The following FAM124A variants were observed in gnomAD, a reference collection of about 807,000 sequenced individuals.
The protein encoded by FAM124A is protein FAM124A.
A neutral mutation model predicts 24.5 loss-of-function variants in FAM124A; 23 were observed. That is an observed-to-expected ratio of 0.94 (90% CI 0.68 to 1.33). FAM124A has a LOEUF of 1.33. FAM124A is among the 40% of genes most tolerant of loss of function. The pLI, the probability that FAM124A is intolerant of heterozygous loss-of-function variation, is 0.00. For synonymous variants in FAM124A, 287 were observed against 314.7 expected (o/e 0.91, Z 0.93); for missense variants, 623 against 722.8 (o/e 0.86, Z 1.58).
intron 3 of FAM124A, among the ~76,000 whole-genome samples, chr13:51,275,612 A>T (rs112234828): frequency 0.089 from 13,565 of 152,268 alleles, 639 homozygotes; most frequent in South Asian, 0.17. Flanking sequence ...AATAGCCCAT[A>T]AACATCTCAT....
intron 3 of FAM124A, among the ~76,000 whole-genome samples, chr13:51,277,116 G>GGT (rs1954892446): frequency 6.6e-6 from 1 of 151,946 alleles, no homozygotes; most frequent in African/African-American, 2.4e-5. Flanking sequence ...AAAAAAATGC[G>GGT]GTATATATAG....
intron 3 of FAM124A, among the ~76,000 whole-genome samples, chr13:51,278,592 T>A (rs1954907053): frequency 6.6e-6 from 1 of 152,162 alleles, no homozygotes; most frequent in Non-Finnish European, 1.5e-5. Flanking sequence ...TTTCCTGCCA[T>A]TATTCACAAT....
At chr13:51,246,336 AT>A (rs571084612) in intron 2 of FAM124A, among the ~76,000 whole-genome samples, 122 of 132,954 alleles carry the variant, frequency 9.2e-4, no homozygotes, top group African/African-American at 3.1e-3. Flanking sequence ...AATTATTCAC[AT>A]TTTCTGTCCT....
At position 51,258,926 on chromosome 13, in the gene FAM124A, T is replaced by C. The variant is rs1954702797; in HGVS notation, c.834+6725T>C. Among the ~76,000 whole-genome samples the C allele has an allele frequency of 6.6e-6, 1 of 152,150 alleles. No homozygotes were observed. Among genetic ancestry groups the C allele is most frequent in the African/African-American group, 2.4e-5 (1 of 41,438 alleles). ...GCCTGAGCAGAGCTGGGGCAGATGC[T>C]GTTCCGGGGGCACTGGGGAGCCCCA... On this transcript the variant is annotated intron_variant, in intron 3 of 3. Transcript: ENST00000322475. This position sits in a 1 kb window ranked among gnomAD's most constrained non-coding sequence, Gnocchi z 4.2.
intron 3 of FAM124A, among the ~76,000 whole-genome samples, chr13:51,257,438 A>G (rs903122669): frequency 6.6e-5 from 10 of 152,070 alleles, no homozygotes; most frequent in African/African-American, 2.2e-4. Flanking sequence ...AGACACTTAG[A>G]TGGGCCTTGT....
intron 2 of FAM124A, among the ~76,000 whole-genome samples, chr13:51,242,308 G>A (rs1954505738): frequency 6.6e-6 from 1 of 152,198 alleles, no homozygotes; most frequent in Admixed American, 6.5e-5. Context: ...ACTCTGTGTA[G>A]AATGCTATAG....
At chr13:51,275,313 G>C (rs1234875326) in intron 3 of FAM124A, among the ~76,000 whole-genome samples, 3 of 152,212 alleles carry the variant, frequency 2.0e-5, no homozygotes, top group African/African-American at 7.2e-5. Context: ...AGGAGTTTGA[G>C]GCTGCAATAA....
chr13:51,272,613 A>G lies in FAM124A; in HGVS notation c.835-7837A>G, dbSNP rs1342949655. ...CACACACCAGTTGAACCACCAGATC[A>G]GCTACCTCTTCCCCTTCCCATCAGA... On this transcript the variant is annotated intron_variant, in intron 3 of 3. Transcript: ENST00000322475. This position sits in a 1 kb window ranked among gnomAD's most constrained non-coding sequence, Gnocchi z 4.2. Among the ~76,000 whole-genome samples the G allele has an allele frequency of 6.6e-6, 1 of 151,700 alleles. No homozygotes were observed. The highest frequency in any genetic ancestry group is 1.9e-4 in the East Asian group (1 of 5,176).
Position 51,280,866 on chromosome 13 carries a change from C to T in FAM124A, c.1251C>T (p.Gly417=), listed in dbSNP as rs1201493399. Residue 417 remains glycine, a synonymous_variant, in exon 4 of 4, where the codon GGC becomes GGT. Transcript: ENST00000322475. The stretch of plus-strand genomic sequence containing the variant: ...CCCAGGAGACAGACGTGGACACAGG[C>T]CTGCGGCTGTCCTCATCGGACCTGT... ...EGAQETDVDT[G]LRLSSSDLSV... 1.9e-6 allele frequency: 3 copies of T among 1,614,040 alleles called. No homozygotes were observed. The highest frequency in any genetic ancestry group is 1.7e-5 in the Admixed American group (1 of 60,014).
intron 2 of FAM124A, among the ~76,000 whole-genome samples, chr13:51,235,712 T>TA (rs1954428596): frequency 6.6e-6 from 1 of 152,214 alleles, no homozygotes; most frequent in African/African-American, 2.4e-5. Context: ...TCTGGCACCT[T>TA]AGGAACTGCC....
intron 3 of FAM124A, among the ~76,000 whole-genome samples, chr13:51,280,088 G>C (rs1247716916): frequency 6.6e-6 from 1 of 152,188 alleles, no homozygotes; most frequent in Non-Finnish European, 1.5e-5. Flanking sequence ...AACCCTGCAA[G>C]CATTCTTTTT....
intron 1 of FAM124A, among the ~76,000 whole-genome samples, chr13:51,228,405 T>C (rs891752524): frequency 5.3e-5 from 8 of 152,156 alleles, no homozygotes; most frequent in Non-Finnish European, 1.0e-4. Flanking sequence ...TGGAAATGTG[T>C]CTATATTTGT....
At chr13:51,256,967 A>G (rs1235548286) in intron 3 of FAM124A, among the ~76,000 whole-genome samples, 4 of 152,090 alleles carry the variant, frequency 2.6e-5, no homozygotes, top group African/African-American at 9.7e-5. Flanking sequence ...GGCTTATTTC[A>G]CTTGGCATAA....
At chr13:51,273,267 C>T (rs1954855437) in intron 3 of FAM124A, among the ~76,000 whole-genome samples, 1 of 152,032 alleles carries the variant, frequency 6.6e-6, no homozygotes, top group Non-Finnish European at 1.5e-5. Context: ...AGCCAGGGTG[C>T]TATTGGTATC....
intron 3 of FAM124A, among the ~76,000 whole-genome samples, chr13:51,256,783 C>A (rs1954679638): frequency 6.6e-6 from 1 of 152,184 alleles, no homozygotes; most frequent in Non-Finnish European, 1.5e-5. Flanking sequence ...TCACCACCAT[C>A]CATCTCTGTA....
chr13:51,240,556 A>G (rs1216337110), intron 2 of FAM124A, among the ~76,000 whole-genome samples: 1 of 152,196 alleles, frequency 6.6e-6, no homozygotes, highest in Non-Finnish European at 1.5e-5. Context: ...GTGAGGCTCA[A>G]ACATGTAGGG....
chr13:51,251,667 G>T lies in FAM124A; in HGVS notation c.300G>T (p.Ala100=). The T allele has an allele frequency of 6.3e-7, 1 of 1,585,550 alleles. No homozygotes were observed. Among genetic ancestry groups the T allele is most frequent in the Non-Finnish European group, 8.6e-7 (1 of 1,165,366 alleles). The stretch of plus-strand genomic sequence containing the variant: ...AGCCCCCCAAGGGCGCTCAGCCAGC[G>T]CTGGCTGTGGTGCTGTTCCTGCAGG... ...RRKPPKGAQP[A]LAVVLFLQEE... The change falls in exon 3 of 4, where the codon GCG becomes GCT. Residue 100 remains alanine, a synonymous_variant. Coordinates refer to ENST00000322475, the MANE Select transcript of FAM124A (RefSeq NM_001242312.2). The surrounding 1 kb of genome is among the most constrained non-coding windows in gnomAD (Gnocchi z 5.3).
chr13:51,231,524 A>C, intron 2 of FAM124A, 145 bp downstream of exon 2: 1 of 823,034 alleles, frequency 1.2e-6, no homozygotes, highest in Non-Finnish European at 1.8e-6. Flanking sequence ...GGATGCTGTA[A>C]CTCTGGAAGT....
chr13:51,241,852 C>T (rs1199952884), intron 2 of FAM124A, among the ~76,000 whole-genome samples: 1 of 152,154 alleles, frequency 6.6e-6, no homozygotes, highest in Non-Finnish European at 1.5e-5. Context: ...GCGTTCAGGA[C>T]GTGTTTTATA....
Sources: gnomAD v4.1 joint callset for allele counts (sites outside exome capture counted in the v4.1 genomes callset) on GRCh38, gnomAD v4.1.1 for gene constraint, Gnocchi (gnomAD v3.1) non-coding constraint, MANE v1.5 for transcripts, NCBI Gene and HGNC (gene_info 2026-07-23, HGNC 2026-07-21) for gene names.